The following LHFPL3 variants were observed in gnomAD, a reference collection of about 807,000 sequenced individuals.
The protein encoded by LHFPL3 is LHFPL tetraspan subfamily member 3, also known as LHFPL tetraspan subfamily member 3 protein.
LHFPL3 carries 5 observed loss-of-function variants against 19.3 expected under a neutral mutation model. The ratio of observed to expected loss-of-function variants is 0.26; its 90% CI spans 0.14 to 0.54. The LOEUF (loss-of-function observed/expected upper bound fraction) is 0.54, where lower values mean the gene tolerates loss of function less well. Among genes scored for constraint, LHFPL3 ranks in the 20% least tolerant of loss-of-function variants. The pLI is 0.94. For missense variants in LHFPL3, 249 were observed against 307.4 expected, an observed-to-expected ratio of 0.81 and a Z score of 1.42; for synonymous variants, 133 against 126.2, an observed-to-expected ratio of 1.05 and a Z score of -0.36.
chr7:104,424,960 C>T (rs10252735), intron 1 of LHFPL3, among the ~76,000 whole-genome samples: 48,255 of 132,372 alleles, frequency 0.36, 10,087 homozygotes, highest in African/African-American at 0.59. Context: ...CCAGCCTGGG[C>T]GACAGAGTGA....
chr7:104,817,830 A>G (rs1384939942), intron 2 of LHFPL3, among the ~76,000 whole-genome samples: 1 of 152,182 alleles, frequency 6.6e-6, no homozygotes, highest in African/African-American at 2.4e-5. Context: ...TGTCTTTTGA[A>G]ATCCTCCCAT....
chr7:104,402,759 A>G (rs189132814), intron 1 of LHFPL3, among the ~76,000 whole-genome samples: 73 of 152,348 alleles, frequency 4.8e-4, no homozygotes, highest in African/African-American at 1.5e-3. Flanking sequence ...ATAGGACTCC[A>G]TTATAGATGT....
intron 1 of LHFPL3, among the ~76,000 whole-genome samples, chr7:104,470,278 T>G (rs1369173566): frequency 6.6e-6 from 1 of 152,210 alleles, no homozygotes; most frequent in East Asian, 1.9e-4. Flanking sequence ...TTCTCTCCTG[T>G]GGGATAATTC....
At chr7:104,390,242 G>A (rs1231666416) in intron 1 of LHFPL3, among the ~76,000 whole-genome samples, 3 of 151,818 alleles carry the variant, frequency 2.0e-5, no homozygotes, top group African/African-American at 4.8e-5. Flanking sequence ...CAACGTGCAG[G>A]TTTCTTACAT....
intron 1 of LHFPL3, among the ~76,000 whole-genome samples, chr7:104,378,939 G>A (rs546796642): frequency 1.3e-5 from 2 of 152,198 alleles, no homozygotes; most frequent in South Asian, 4.1e-4. Context: ...TTTTTAAATA[G>A]AGTCTTTCAA....
At chr7:104,394,076 T>C (rs1276903451) in intron 1 of LHFPL3, among the ~76,000 whole-genome samples, 2 of 152,222 alleles carry the variant, frequency 1.3e-5, no homozygotes, top group Middle Eastern at 3.2e-3. Context: ...TTGTACACTT[T>C]AAAAGAATGA....
At chr7:104,555,139 A>G (rs1256971065) in intron 1 of LHFPL3, among the ~76,000 whole-genome samples, 1 of 152,172 alleles carries the variant, frequency 6.6e-6, no homozygotes, top group Non-Finnish European at 1.5e-5. Context: ...CCCAGAAATG[A>G]CGCTTTCCCA....
chr7:104,417,872 C>T (rs1386274787), intron 1 of LHFPL3, among the ~76,000 whole-genome samples: 4 of 126,384 alleles, frequency 3.2e-5, no homozygotes, highest in African/African-American at 9.5e-5. Context: ...TCTTCTTCTT[C>T]TTCTTCTTCT....
chr7:104,439,636 T>C (rs1261400279), intron 1 of LHFPL3, among the ~76,000 whole-genome samples: 1 of 152,110 alleles, frequency 6.6e-6, no homozygotes, highest in African/African-American at 2.4e-5. Context: ...CCAAAGTCAA[T>C]GTTCATTCAT....
intron 1 of LHFPL3, among the ~76,000 whole-genome samples, chr7:104,471,841 T>C (rs1792912564): frequency 6.6e-6 from 1 of 152,228 alleles, no homozygotes; most frequent in Non-Finnish European, 1.5e-5. Context: ...AATATTACAC[T>C]GAAGTTGGAT....
chr7:104,569,987 G>A (rs1314751314), intron 1 of LHFPL3, among the ~76,000 whole-genome samples: 1 of 152,196 alleles, frequency 6.6e-6, no homozygotes, highest in Non-Finnish European at 1.5e-5. Flanking sequence ...TGCTCTAACA[G>A]AGACATGATT....
chr7:104,829,332 T>C (rs1003045210), intron 2 of LHFPL3, among the ~76,000 whole-genome samples: 6 of 151,846 alleles, frequency 4.0e-5, no homozygotes, highest in Admixed American at 1.3e-4. Context: ...CTGCTTTTTT[T>C]TTTAATTATT....
intron 2 of LHFPL3, chr7:104,785,428 T>G (rs1421155578): frequency 6.6e-6 from 1 of 152,230 alleles, no homozygotes; most frequent in Non-Finnish European, 1.5e-5. Flanking sequence ...TATCTAGAAC[T>G]CTAGCCCCAA....
At chr7:104,372,598 A>C (rs1179396160) in intron 1 of LHFPL3, among the ~76,000 whole-genome samples, 1 of 152,222 alleles carries the variant, frequency 6.6e-6, no homozygotes. Context: ...GAGCTCCACC[A>C]TTCAGTACCT....
At chr7:104,516,872 AT>A (rs1439270190) in intron 1 of LHFPL3, among the ~76,000 whole-genome samples, 1 of 152,208 alleles carries the variant, frequency 6.6e-6, no homozygotes, top group Non-Finnish European at 1.5e-5. Context: ...GCTATTTGAA[AT>A]AGCAAAGACA....
At chr7:104,581,321 A>AT (rs1436247994) in intron 1 of LHFPL3, among the ~76,000 whole-genome samples, 2 of 152,010 alleles carry the variant, frequency 1.3e-5, no homozygotes, top group African/African-American at 4.8e-5. Flanking sequence ...TCAGAGATCT[A>AT]TTTTTGTGAA....
chr7:104,458,430 A>G (rs1042572403), intron 1 of LHFPL3, among the ~76,000 whole-genome samples: 1 of 152,118 alleles, frequency 6.6e-6, no homozygotes, highest in African/African-American at 2.4e-5. Flanking sequence ...AGTTGTAGAT[A>G]TGCGGTGTTA....
intron 1 of LHFPL3, among the ~76,000 whole-genome samples, chr7:104,481,420 T>C (rs1793133755): frequency 6.6e-6 from 1 of 152,176 alleles, no homozygotes; most frequent in South Asian, 2.1e-4. Context: ...CCCACTTGTC[T>C]TTTGTGCCTC....
At chr7:104,416,885 G>A (rs1791632167) in intron 1 of LHFPL3, among the ~76,000 whole-genome samples, 1 of 152,196 alleles carries the variant, frequency 6.6e-6, no homozygotes, top group Non-Finnish European at 1.5e-5. Flanking sequence ...TCCCATGGTG[G>A]AAGGCAGAAA....
Sources: gnomAD v4.1 joint callset for allele counts (sites outside exome capture counted in the v4.1 genomes callset) on GRCh38, gnomAD v4.1.1 for gene constraint, MANE v1.5 for transcripts, NCBI Gene and HGNC (gene_info 2026-07-23, HGNC 2026-07-21) for gene names.